The following BZW2 variants were observed in gnomAD, a reference collection of about 807,000 sequenced individuals.
BZW2 encodes basic leucine zipper and W2 domains 2, also known as eIF5-mimic protein 1.
A neutral mutation model predicts 53.2 loss-of-function variants in BZW2; 23 were observed. The observed-to-expected ratio is 0.43, with a 90% confidence interval of 0.31 to 0.61. The LOEUF is 0.61. Among genes scored for constraint, BZW2 ranks in the 20% least tolerant of loss-of-function variants. The pLI, the probability that BZW2 is intolerant of heterozygous loss-of-function variation, is 0.09. For missense variants in BZW2, 409 were observed against 503.1 expected, an observed-to-expected ratio of 0.81 and a Z score of 1.79; for synonymous variants, 227 against 186.4, an observed-to-expected ratio of 1.22 and a Z score of -1.77.
Position 16,661,686 on chromosome 7 carries a change from C to T in BZW2, c.-7-3751C>T, listed in dbSNP as rs557675638. On this transcript the variant is annotated intron_variant, in intron 1 of 11. Coordinates refer to ENST00000258761, the MANE Select transcript of BZW2 (RefSeq NM_014038.3). ...GCCTTCTTTTACCTTGTGGAGTATC[C>T]AAGAAATGTAGTCTCTTAGGTGACA... Among the ~76,000 whole-genome samples the T allele has an allele frequency of 2.0e-5, 3 of 152,070 alleles. No homozygotes were observed. In the South Asian group the frequency reaches 6.2e-4, roughly 32 times the overall value.
At chr7:16,654,679 C>T (rs903320960) in intron 1 of BZW2, among the ~76,000 whole-genome samples, 12 of 150,624 alleles carry the variant, frequency 8.0e-5, no homozygotes, top group African/African-American at 1.2e-4. Context: ...GGGTTACAGG[C>T]GTGCAACACC....
At chr7:16,671,593 G>T (rs116540367) in intron 2 of BZW2, among the ~76,000 whole-genome samples, 1 of 152,010 alleles carries the variant, frequency 6.6e-6, no homozygotes, top group Non-Finnish European at 1.5e-5. Context: ...GAGGCCTTGG[G>T]TGTTTCAGTA....
chr7:16,694,899 T>C lies in BZW2; in HGVS notation c.717T>C (p.Leu239=). ...HFAKYFTDAG[L]KELSDFLRVQ... The stretch of plus-strand genomic sequence containing the variant: ...CTAAATACTTCACTGACGCAGGTCT[T>C]AAGGAGCTTTCCGACTTCCTCCGAG... The change falls in exon 8 of 12, where the codon CTT becomes CTC. Residue 239 remains leucine (L), a synonymous_variant. Transcript: ENST00000258761. The C allele has an allele frequency of 6.3e-7, 1 of 1,595,610 alleles. No homozygotes were observed. Among genetic ancestry groups the C allele is most frequent in the Non-Finnish European group, 8.6e-7 (1 of 1,165,600 alleles).
intron 1 of BZW2, among the ~76,000 whole-genome samples, chr7:16,651,169 T>G (rs1033775717): frequency 1.3e-5 from 2 of 152,236 alleles, no homozygotes; most frequent in African/African-American, 2.4e-5. Flanking sequence ...TAACTTAAGA[T>G]GTAGAATTAT....
chr7:16,675,700 CTAAGTA>C (rs1205086727), intron 3 of BZW2, among the ~76,000 whole-genome samples: 1 of 152,166 alleles, frequency 6.6e-6, no homozygotes, highest in Non-Finnish European at 1.5e-5. Context: ...TAATTCAAGT[CTAAGTA>C]TAACAGCTAT....
intron 2 of BZW2, among the ~76,000 whole-genome samples, 173 bp from the exon 3 acceptor site, chr7:16,674,239 C>A (rs1044623126): frequency 6.6e-6 from 1 of 152,154 alleles, no homozygotes; most frequent in Non-Finnish European, 1.5e-5. Flanking sequence ...CTTCTTATTC[C>A]CCTATGCCAT....
chr7:16,672,096 A>G (rs909772266), intron 2 of BZW2, among the ~76,000 whole-genome samples: 5 of 152,178 alleles, frequency 3.3e-5, no homozygotes, highest in African/African-American at 4.8e-5. Flanking sequence ...CGGAAACTTC[A>G]GATAATTGCT....
chr7:16,705,526 A>G (rs1398850323), intron 11 of BZW2, among the ~76,000 whole-genome samples: 1 of 151,680 alleles, frequency 6.6e-6, no homozygotes, highest in Non-Finnish European at 1.5e-5. Flanking sequence ...TCTACTAAAA[A>G]TATAAAAAAT....
At chr7:16,675,526 C>T (rs1322796508) in intron 3 of BZW2, among the ~76,000 whole-genome samples, 2 of 152,224 alleles carry the variant, frequency 1.3e-5, no homozygotes, top group Admixed American at 6.5e-5. Context: ...TGGAACTGCC[C>T]GTAAATTCCT....
intron 1 of BZW2, among the ~76,000 whole-genome samples, chr7:16,652,322 G>T (rs1782003682): frequency 1.3e-5 from 2 of 152,024 alleles, no homozygotes; most frequent in Non-Finnish European, 2.9e-5. Flanking sequence ...ATCATATGTT[G>T]TCTTTAAACA....
At chr7:16,686,330 G>C in intron 6 of BZW2, 1 of 306,966 alleles carries the variant, frequency 3.3e-6, no homozygotes, top group Non-Finnish European at 6.2e-6. Context: ...CAAATACCCC[G>C]AAATCGATCT....
chr7:16,669,742 G>A (rs1429204351), intron 2 of BZW2, among the ~76,000 whole-genome samples: 1 of 152,094 alleles, frequency 6.6e-6, no homozygotes, highest in Non-Finnish European at 1.5e-5. Flanking sequence ...GTCAGAATTA[G>A]GCCCATTTCT....
At chr7:16,656,465 G>T (rs1300010351) in intron 1 of BZW2, among the ~76,000 whole-genome samples, 1 of 151,630 alleles carries the variant, frequency 6.6e-6, no homozygotes, top group African/African-American at 2.4e-5. Context: ...TTTCCAATAT[G>T]TAGTTATATT....
chr7:16,689,692 A>T (rs1783240903), intron 6 of BZW2, 105 bp from the exon 7 acceptor site: 10 of 817,940 alleles, frequency 1.2e-5, no homozygotes, highest in Non-Finnish European at 1.8e-5. Context: ...TACCAAAATT[A>T]GTCTTTTAGT....
intron 3 of BZW2, among the ~76,000 whole-genome samples, chr7:16,676,105 C>T (rs1583722822): frequency 6.6e-6 from 1 of 152,126 alleles, no homozygotes; most frequent in East Asian, 1.9e-4. Flanking sequence ...AATCTCTTTA[C>T]CTCATAAAAT....
intron 3 of BZW2, among the ~76,000 whole-genome samples, chr7:16,676,702 T>A (rs1439780959): frequency 6.6e-6 from 1 of 152,206 alleles, no homozygotes; most frequent in African/African-American, 2.4e-5. Flanking sequence ...TATTATTGAC[T>A]TCTAGTATTT....
intron 10 of BZW2, chr7:16,700,966 G>C (rs1465127676): frequency 2.6e-5 from 4 of 151,992 alleles, no homozygotes; most frequent in Non-Finnish European, 4.4e-5. Flanking sequence ...TTCCCAACAT[G>C]TCCAGAACTT....
chr7:16,656,687 TTC>T (rs1263870486), intron 1 of BZW2, among the ~76,000 whole-genome samples: 3 of 152,180 alleles, frequency 2.0e-5, no homozygotes, highest in Non-Finnish European at 2.9e-5. Context: ...CAATGTTTCA[TTC>T]TCTGTTTATT....
chr7:16,656,267 A>G (rs6961916), intron 1 of BZW2, among the ~76,000 whole-genome samples: 2,365 of 152,110 alleles, frequency 0.016, 45 homozygotes, highest in African/African-American at 0.052. Context: ...AGACGTTATC[A>G]TTGATGAAGA....
Sources: allele counts gnomAD v4.1 joint callset (sites outside exome capture counted in the v4.1 genomes callset), GRCh38; gene constraint gnomAD v4.1.1; transcripts MANE v1.5; gene names NCBI Gene and HGNC (gene_info 2026-07-23, HGNC 2026-07-21).